The following RFX6 variants were observed in gnomAD, a reference collection of about 807,000 sequenced individuals.
RFX6 encodes the protein DNA-binding protein RFX6.
In RFX6, 50 loss-of-function variants were observed where a neutral mutation model predicts 110.8. The ratio of observed to expected loss-of-function variants is 0.45; its 90% CI spans 0.36 to 0.57. The LOEUF (loss-of-function observed/expected upper bound fraction) is 0.57, where lower values mean the gene tolerates loss of function less well. Ranked by LOEUF, RFX6 falls within the 20% of genes least tolerant of loss-of-function variation. RFX6 has a pLI of 0.00. For synonymous variants in RFX6, 383 were observed against 411.2 expected (o/e 0.93, Z 0.83); for missense variants, 990 against 1,127.0 (o/e 0.88, Z 1.74).
intron 3 of RFX6, 151 bp from the exon 4 acceptor site, chr6:116,882,216 A>G (rs1299896099): frequency 1.5e-6 from 1 of 678,184 alleles, no homozygotes; most frequent in South Asian, 1.6e-5. Context: ...TTGCTTATCA[A>G]TATGTGTAAG....
At position 116,880,656 on chromosome 6, in the gene RFX6, A is replaced by G; in HGVS notation, c.493A>G (p.Thr165Ala). The G allele has an allele frequency of 6.2e-7, 1 of 1,613,544 alleles. No individual in the cohort carries two copies. Among genetic ancestry groups the G allele is most frequent in the Non-Finnish European group, 8.5e-7 (1 of 1,179,536 alleles). The change falls in exon 3 of 19, where the codon ACC becomes GCC. Residue 165 changes from threonine to alanine, a missense_variant. Thr to Ala is a moderately conservative substitution (Grantham distance 58). Around this residue, in one of 5 missense-constraint regions of RFX6, gnomAD observed 243 missense variants for 353.1 expected, o/e 0.69. Transcript: ENST00000332958. ...GAAATTAGAGCCAGCCTGTGCGGCCACCTTTGGAAAGGTAAATGACACGTA... is the reference window on the plus strand; with the variant it reads ...GAAATTAGAGCCAGCCTGTGCGGCCGCCTTTGGAAAGGTAAATGACACGTA... ...KEKLEPACAA[T>A]FGKTIRQKFP... is the part of the protein sequence containing the mutation.
intron 6 of RFX6, among the ~76,000 whole-genome samples, chr6:116,898,713 T>C (rs1775003498): frequency 6.6e-6 from 1 of 152,144 alleles, no homozygotes; most frequent in Non-Finnish European, 1.5e-5. Flanking sequence ...CAAGCAGATT[T>C]GTAGATTTTT....
chr6:116,927,172 C>T lies in RFX6; in HGVS notation c.2031C>T (p.His677=). The T allele has an allele frequency of 6.2e-7, 1 of 1,614,202 alleles. No homozygotes were observed. The highest frequency in any genetic ancestry group is 8.5e-7 in the Non-Finnish European group (1 of 1,180,024). Residue 677 remains histidine (H), a synonymous_variant, in exon 17 of 19, where the codon CAC becomes CAT. Transcript: ENST00000332958. ...GCCCAGTACTGTCAGCTCCATCACA[C>T]TGCTCCACATACCCAGAGCCCATTT... is the stretch of plus-strand genomic sequence containing the variant. ...SVGPVLSAPS[H]CSTYPEPIYP...
At chr6:116,894,974 A>T (rs962830968) in intron 5 of RFX6, among the ~76,000 whole-genome samples, 2 of 152,128 alleles carry the variant, frequency 1.3e-5, no homozygotes, top group Non-Finnish European at 2.9e-5. Flanking sequence ...TTTTAAAAAT[A>T]TTATTCATTT....
At chr6:116,915,910 C>A in intron 7 of RFX6, 98 bp from the exon 8 acceptor site, 1 of 867,684 alleles carries the variant, frequency 1.2e-6, no homozygotes, top group Admixed American at 1.7e-5. Context: ...CTGCTTGGTA[C>A]GTAATAGGAT....
intron 6 of RFX6, among the ~76,000 whole-genome samples, chr6:116,899,318 T>C (rs1362451920): frequency 6.6e-6 from 1 of 152,142 alleles, no homozygotes; most frequent in Non-Finnish European, 1.5e-5. Context: ...GAGTGGGTAA[T>C]TAATTTTTGG....
intron 7 of RFX6, among the ~76,000 whole-genome samples, chr6:116,911,855 T>C (rs1168675143): frequency 2.0e-5 from 3 of 152,204 alleles, no homozygotes; most frequent in Non-Finnish European, 2.9e-5. Flanking sequence ...TGCTTTACTT[T>C]AGTAATGGGC....
At chr6:116,877,535 CG>C (rs1192730838) in intron 1 of RFX6, 37 bp downstream of exon 1, 13 of 1,473,564 alleles carry the variant, frequency 8.8e-6, no homozygotes, top group South Asian at 1.3e-5. Context: ...GGGAAGGGGA[CG>C]GGGACGTATT....
rs1345256999 is a variant in RFX6 at position 116,928,667 on chromosome 6, T to C, written c.2399-92T>C. 6 of 828,308 alleles carry C rather than the reference T, an allele frequency of 7.2e-6. No homozygotes were observed. The Admixed American group carries it at 8.7e-5, about 12-fold the overall frequency. 51.3% of individuals were successfully genotyped at this position (828,308 alleles called of 1,614,324 possible). On this transcript the variant is annotated intron_variant, in intron 17 of 18. Coordinates refer to ENST00000332958, the MANE Select transcript of RFX6 (RefSeq NM_173560.4). ...TGTAATACTTACAGTTTGATATCTT[T>C]AGGACGTCACCTCATTACTTTGTCA...
rs114113675 is a variant in RFX6 at position 116,916,735 on chromosome 6, C to A, written c.972+421C>A. Among the ~76,000 whole-genome samples, 463 of 152,108 alleles carry A rather than the reference C, an allele frequency of 3.0e-3. 2 individuals carry two copies. Among genetic ancestry groups the A allele is most frequent in the African/African-American group, 0.01 (423 of 41,532 alleles). On this transcript the variant is annotated intron_variant, in intron 9 of 18. Transcript: ENST00000332958. ...ATCTCAAAAACCTCTAACTTTAATG[C>A]ATTAATGTCTAATTCTCTTCTCAAA...
chr6:116,878,676 G>A (rs150722364), intron 2 of RFX6, among the ~76,000 whole-genome samples: 1,672 of 151,812 alleles, frequency 0.011, 26 homozygotes, highest in Admixed American at 0.04. Flanking sequence ...GGAAGAAATA[G>A]GAGCATAAAT....
intron 4 of RFX6, chr6:116,884,689 A>G (rs973519090): frequency 1.1e-4 from 17 of 152,320 alleles, no homozygotes; most frequent in African/African-American, 3.6e-4. Context: ...GGCTGCAGGG[A>G]AAGTCAATTA....
chr6:116,912,263 G>A (rs866597643), intron 7 of RFX6, among the ~76,000 whole-genome samples: 9 of 151,866 alleles, frequency 5.9e-5, no homozygotes, highest in Middle Eastern at 3.4e-3. Context: ...TGGATCATTC[G>A]TATTCCAAAC....
In RFX6 at chr6:116,877,482, G is replaced by T. The variant is rs748432407; in HGVS notation, c.207G>T (p.Pro69=). ...AGAAAGGCGAAGACCCGGAGCTGCC[G>T]GGGGCAGTGAAATCAGGTGAGTGCT... ...GGEKGEDPEL[P]GAVKSEMHLN... is the part of the protein sequence containing the mutation. The change falls in exon 1 of 19, where the codon CCG becomes CCT. Residue 69 remains proline (P), a synonymous_variant. Transcript: ENST00000332958. 1 of 1,559,052 alleles carries T rather than the reference G, an allele frequency of 6.4e-7. No homozygotes were observed. The highest frequency in any genetic ancestry group is 1.2e-5 in the South Asian group (1 of 84,558).
At chr6:116,887,957 T>A (rs1402468311) in intron 4 of RFX6, among the ~76,000 whole-genome samples, 1 of 152,214 alleles carries the variant, frequency 6.6e-6, no homozygotes, top group African/African-American at 2.4e-5. Flanking sequence ...ACATTTTAAT[T>A]TTTTGTAGAC....
At chr6:116,885,810 T>C (rs1332163574) in intron 4 of RFX6, among the ~76,000 whole-genome samples, 1 of 152,162 alleles carries the variant, frequency 6.6e-6, no homozygotes, top group Admixed American at 6.5e-5. Flanking sequence ...CATGCCACAA[T>C]TGTAAGGCAT....
At chr6:116,879,113 C>A (rs1433690957) in intron 2 of RFX6, among the ~76,000 whole-genome samples, 1 of 151,740 alleles carries the variant, frequency 6.6e-6, no homozygotes. Flanking sequence ...AATGATTACT[C>A]CATTTTTTCC....
chr6:116,880,278 T>G (rs1774559178), intron 2 of RFX6, among the ~76,000 whole-genome samples: 1 of 152,064 alleles, frequency 6.6e-6, no homozygotes, highest in African/African-American at 2.4e-5. Context: ...ATAGAAGACC[T>G]AATATTTGTG....
intron 6 of RFX6, among the ~76,000 whole-genome samples, chr6:116,895,645 T>TACAC (rs146991192): frequency 0.23 from 34,556 of 147,740 alleles, 4,224 homozygotes; most frequent in South Asian, 0.32. Context: ...CTACTTTGTG[T>TACAC]ACACACACAC....
Sources: allele counts gnomAD v4.1 joint callset (sites outside exome capture counted in the v4.1 genomes callset), GRCh38; gene constraint gnomAD v4.1.1; regional missense constraint gnomAD v4.1.1; transcripts MANE v1.5; gene names NCBI Gene and HGNC (gene_info 2026-07-23, HGNC 2026-07-21).